Variants in HSPA4 observed in about 807,000 individuals in gnomAD.
HSPA4 encodes the protein heat shock protein family A (Hsp70) member 4, also known as heat shock 70 kDa protein 4.
Under a neutral mutation model 106.2 loss-of-function variants are expected in HSPA4, and 25 were observed. That is an observed-to-expected ratio of 0.24 (90% CI 0.17 to 0.33). The LOEUF (loss-of-function observed/expected upper bound fraction) is 0.33. Among genes scored for constraint, HSPA4 ranks in the 10% least tolerant of loss-of-function variants. The pLI, the probability that HSPA4 is intolerant of heterozygous loss-of-function variation, is 1.00. For missense variants in HSPA4, 841 were observed against 996.0 expected (o/e 0.84, Z 2.10); for synonymous variants, 332 against 333.6 (o/e 1.00, Z 0.05).
In HSPA4 at chr5:133,104,850, T is replaced by G. The variant is rs1765836004; in HGVS notation, c.*414T>G. ...CTGTTGTGGAGATTGCTTTAAATGCTCCCTGCCTGGTGTGGGGATGGGGTC... is the reference window on the plus strand; with the variant it reads ...CTGTTGTGGAGATTGCTTTAAATGCGCCCTGCCTGGTGTGGGGATGGGGTC... On this transcript the variant is annotated 3_prime_UTR_variant, in exon 19 of 19. Transcript: ENST00000304858. 2 of 187,414 alleles carry G rather than the reference T, an allele frequency of 1.1e-5. No homozygotes were observed. The highest frequency in any genetic ancestry group is 1.9e-4 in the South Asian group (2 of 10,318). The allele number at this position is 187,414 out of a possible 1,614,324, so 11.6% of individuals were successfully genotyped here. A position where few individuals can be genotyped will look rare whatever the true frequency, so the allele number is the denominator to read the frequency against.
chr5:133,053,722 T>C (rs909014844), intron 1 of HSPA4, among the ~76,000 whole-genome samples: 1 of 151,636 alleles, frequency 6.6e-6, no homozygotes, highest in Non-Finnish European at 1.5e-5. Flanking sequence ...TGCAGTGGCA[T>C]GCTCTCGGCT....
At chr5:133,066,013 T>C (rs142716368) in intron 2 of HSPA4, among the ~76,000 whole-genome samples, 2 of 152,326 alleles carry the variant, frequency 1.3e-5, no homozygotes, top group Non-Finnish European at 2.9e-5. Flanking sequence ...AGTTGGATGT[T>C]TTATAGTTCA....
rs1317619799 is a variant in HSPA4 at position 133,104,789 on chromosome 5, CT to C, written c.*355del. ...CTATCCAGCAGACTTTTCATTATGA[CT>C]TACATGGCAGGAGCTCTAATTATGC... On this transcript the variant is annotated 3_prime_UTR_variant, in exon 19 of 19. Transcript: ENST00000304858. The C allele has an allele frequency of 9.2e-6, 2 of 218,522 alleles. No individual in the cohort carries two copies. The highest frequency in any genetic ancestry group is 1.1e-4 in the Admixed American group (2 of 18,752). The allele number at this position is 218,522 out of a possible 1,614,324, so 13.5% of individuals were successfully genotyped here.
chr5:133,078,651 A>T (rs1053527579), intron 7 of HSPA4, among the ~76,000 whole-genome samples: 1 of 151,682 alleles, frequency 6.6e-6, no homozygotes. Flanking sequence ...AAAAAAAAAA[A>T]AAAAAAGTTG....
chr5:133,052,140 C>T lies in HSPA4; in HGVS notation c.-111C>T. On this transcript the variant is annotated 5_prime_UTR_variant, in exon 1 of 19. Transcript: ENST00000304858. ...GCGCTCGCGTGGACACCGCAAGCCC[C>T]TCAGTAGCCTCGGCCCAAGAGGCCT... The T allele has an allele frequency of 1.4e-6, 1 of 714,722 alleles. No homozygotes were observed. The allele number at this position is 714,722 out of a possible 1,614,324, so 44.3% of individuals were successfully genotyped here.
At chr5:133,082,498 CGTT>C (rs1310876902) in intron 7 of HSPA4, among the ~76,000 whole-genome samples, 2 of 152,028 alleles carry the variant, frequency 1.3e-5, no homozygotes, top group African/African-American at 4.8e-5. Context: ...CAAGTTCTCA[CGTT>C]GTCATGCAGT....
chr5:133,089,471 A>G (rs1765617597), intron 10 of HSPA4, 91 bp from the exon 11 acceptor site: 2 of 1,126,054 alleles, frequency 1.8e-6, no homozygotes, highest in East Asian at 4.7e-5. Flanking sequence ...GAGAGAAACT[A>G]ACACTGTACA....
intron 1 of HSPA4, among the ~76,000 whole-genome samples, chr5:133,058,917 C>T (rs1201236940): frequency 6.6e-6 from 1 of 151,882 alleles, no homozygotes; most frequent in African/African-American, 2.4e-5. Context: ...CCCCTGAGGC[C>T]AGGAGTTTGA....
chr5:133,061,910 A>G (rs1765249019), intron 1 of HSPA4, among the ~76,000 whole-genome samples: 1 of 152,210 alleles, frequency 6.6e-6, no homozygotes, highest in Non-Finnish European at 1.5e-5. Context: ...CTGGGATTAC[A>G]GACGTGAGCC....
At position 133,076,753 on chromosome 5, in the gene HSPA4, G is replaced by A; in HGVS notation, c.763G>A (p.Asp255Asn). 6.2e-7 allele frequency: 1 copy of A among 1,613,962 alleles called. No homozygotes were observed. Among genetic ancestry groups the A allele is most frequent in the Non-Finnish European group, 8.5e-7 (1 of 1,179,906 alleles). The change falls in exon 7 of 19, where the codon GAC becomes AAC. Residue 255 changes from aspartate to asparagine, a missense_variant. Coordinates refer to ENST00000304858, the MANE Select transcript of HSPA4 (RefSeq NM_002154.4). ...AGAATTTGGGAAGAAATACAAGCTA[G>A]ACATTAAGTCCAAAATCCGTGCATT... ...CEEFGKKYKL[D>N]IKSKIRALLR...
intron 11 of HSPA4, 114 bp downstream of exon 11, chr5:133,089,809 T>A (rs2126711164): frequency 1.3e-6 from 1 of 754,022 alleles, no homozygotes; most frequent in Middle Eastern, 3.3e-4. Flanking sequence ...AGCTGAGGAG[T>A]TCGAGATCAG....
At chr5:133,090,430 CAAAAAAAAAAA>C (rs56263518) in intron 11 of HSPA4, among the ~76,000 whole-genome samples, 5 of 54,880 alleles carry the variant, frequency 9.1e-5, no homozygotes, top group South Asian at 9.2e-4. Flanking sequence ...GACTCTGTCT[CAAAAAAAAAAA>C]AAAAAAAAAA....
At chr5:133,088,307 G>A (rs1765603465) in intron 8 of HSPA4, 97 bp from the exon 9 acceptor site, 4 of 809,904 alleles carry the variant, frequency 4.9e-6, no homozygotes, top group Non-Finnish European at 8.0e-6. Flanking sequence ...TGAGGGAGTT[G>A]GAGGAGTTTT....
chr5:133,098,940 A>G (rs1173182640), intron 15 of HSPA4, among the ~76,000 whole-genome samples: 1 of 152,054 alleles, frequency 6.6e-6, no homozygotes, highest in Non-Finnish European at 1.5e-5. Flanking sequence ...AAGTGCTGGG[A>G]TTACAGGCGT....
At chr5:133,088,308 G>A (rs1171665377) in intron 8 of HSPA4, 96 bp from the exon 9 acceptor site, 1 of 821,784 alleles carries the variant, frequency 1.2e-6, no homozygotes, top group Non-Finnish European at 2.0e-6. Context: ...GAGGGAGTTG[G>A]AGGAGTTTTG....
chr5:133,072,389 G>GTTTTT (rs1561579032), intron 4 of HSPA4, among the ~76,000 whole-genome samples: 14 of 103,226 alleles, frequency 1.4e-4, no homozygotes, highest in Middle Eastern at 0.01. Context: ...CTGGTCCAGG[G>GTTTTT]TTGTTTTTTT....
Position 133,096,133 on chromosome 5 carries a change from C to T in HSPA4, c.1686C>T (p.Asp562=), listed in dbSNP as rs1321464187. 4 of 1,613,708 alleles carry T rather than the reference C, an allele frequency of 2.5e-6. No individual in the cohort carries two copies. ...CTGGATCCAAGGATAAAAAGATGGA[C>T]CAACCACCCCAAGCCAAGAAGGCAA... ...SQAGSKDKKM[D]QPPQAKKAKV... Residue 562 remains aspartate, a synonymous_variant, in exon 14 of 19, where the codon GAC becomes GAT. Transcript: ENST00000304858.
At chr5:133,075,599 T>G (rs1581471458) in intron 6 of HSPA4, among the ~76,000 whole-genome samples, 1 of 151,964 alleles carries the variant, frequency 6.6e-6, no homozygotes, top group African/African-American at 2.4e-5. Context: ...GAGGCTGAGG[T>G]GGGGGGATTG....
intron 17 of HSPA4, among the ~76,000 whole-genome samples, chr5:133,103,015 A>G (rs141193097): frequency 1.4e-5 from 2 of 145,562 alleles, no homozygotes; most frequent in Non-Finnish European, 3.0e-5. Context: ...CCAAAGTGCT[A>G]GGATTATAGG....
Sources: gnomAD v4.1 joint callset for allele counts (sites outside exome capture counted in the v4.1 genomes callset) on GRCh38, gnomAD v4.1.1 for gene constraint, MANE v1.5 for transcripts, NCBI Gene and HGNC (gene_info 2026-07-23, HGNC 2026-07-21) for gene names.